The following INSYN2B variants were observed in gnomAD, a reference collection of about 807,000 sequenced individuals.
The protein encoded by INSYN2B is protein INSYN2B.
Under a neutral mutation model 41.2 loss-of-function variants are expected in INSYN2B, and 16 were observed. That is an observed-to-expected ratio of 0.39 (90% confidence interval 0.26 to 0.59). INSYN2B has a LOEUF of 0.59. Among genes scored for constraint, INSYN2B ranks in the 20% least tolerant of loss-of-function variants. The probability of loss-of-function intolerance (pLI) is 0.57; values close to 1 mark genes in which losing one functional copy is unlikely to be tolerated. For synonymous variants in INSYN2B, 245 were observed against 244.4 expected (o/e 1.00, Z -0.02); for missense variants, 608 against 646.4 (o/e 0.94, Z 0.64).
At chr5:169,979,713 T>C (rs1044592105) in intron 1 of INSYN2B, among the ~76,000 whole-genome samples, 3 of 152,218 alleles carry the variant, frequency 2.0e-5, no homozygotes, top group Admixed American at 6.5e-5. Context: ...TTCAGTCACA[T>C]TGCACTACAA....
intron 1 of INSYN2B, chr5:169,934,760 A>G: frequency 2.2e-6 from 1 of 454,680 alleles, no homozygotes; most frequent in Non-Finnish European, 4.4e-6. Context: ...TGCTCAGTAA[A>G]TGCTAGTTAT....
chr5:169,881,523 G>T (rs1032858990), intron 2 of INSYN2B, 81 bp from the exon 3 acceptor site: 3 of 1,075,518 alleles, frequency 2.8e-6, no homozygotes. Context: ...TTGTCCCTTA[G>T]TCCCTATAGC....
intron 3 of INSYN2B, among the ~76,000 whole-genome samples, chr5:169,868,418 A>T (rs2113444854): frequency 6.6e-6 from 1 of 152,286 alleles, no homozygotes; most frequent in Non-Finnish European, 1.5e-5. Context: ...AACAATGACA[A>T]CAAACCAGCT....
rs917958915 is a variant in INSYN2B, at chr5:169,882,658, C to T, written c.1241G>A (p.Gly414Asp). 6.4e-7 allele frequency: 1 copy of T among 1,552,036 alleles called. No homozygotes were observed. The highest frequency in any genetic ancestry group is 1.7e-4 in the Middle Eastern group (1 of 5,994). ...AGATTCCTCCACAGATTGCAGTCGG[C>T]CTTGGAGGTCGCAGAGTTCACCCCG... ...LARGELCDLQ[G>D]RLQSVEESLH... The change falls in exon 2 of 4, where the codon GGC (glycine) becomes GAC (aspartate). Residue 414 changes from glycine to aspartate, a missense_variant. By Grantham distance (94) the Gly-to-Asp change is moderately conservative (BLOSUM62 -1). Coordinates refer to ENST00000377365, the MANE Select transcript of INSYN2B (RefSeq NM_001129891.3).
chr5:169,945,819 C>T (rs750314606), intron 1 of INSYN2B, among the ~76,000 whole-genome samples: 11 of 152,200 alleles, frequency 7.2e-5, no homozygotes, highest in African/African-American at 1.2e-4. Context: ...TGGATTCGCC[C>T]ACGGCCTCCG....
intron 3 of INSYN2B, among the ~76,000 whole-genome samples, chr5:169,869,871 T>A (rs1006750887): frequency 2.0e-5 from 3 of 152,186 alleles, no homozygotes; most frequent in African/African-American, 7.2e-5. Context: ...ATCCTTACCA[T>A]CTTCCACCAT....
intron 1 of INSYN2B, among the ~76,000 whole-genome samples, chr5:169,908,706 CT>C (rs1561814876): frequency 2.4e-5 from 3 of 126,864 alleles, no homozygotes; most frequent in African/African-American, 6.0e-5. Flanking sequence ...TTTCTCTTTT[CT>C]TTTTTCTTTT....
At chr5:169,868,392 A>T (rs1284558547) in intron 3 of INSYN2B, among the ~76,000 whole-genome samples, 1 of 152,262 alleles carries the variant, frequency 6.6e-6, no homozygotes, top group African/African-American at 2.4e-5. Context: ...CTCTGACTTC[A>T]TAATTCAAAT....
At chr5:169,889,168 A>G (rs1037867293) in intron 1 of INSYN2B, among the ~76,000 whole-genome samples, 1 of 152,368 alleles carries the variant, frequency 6.6e-6, no homozygotes, top group South Asian at 2.1e-4. Context: ...TTAGCTTCTA[A>G]GACATGGAAT....
chr5:169,944,859 C>G (rs540970604), intron 1 of INSYN2B, among the ~76,000 whole-genome samples: 2 of 152,308 alleles, frequency 1.3e-5, no homozygotes, highest in Admixed American at 6.5e-5. Context: ...CTTGTGGGCT[C>G]CAGTTGCTCA....
In INSYN2B at chr5:169,882,901, C is replaced by G. The variant is rs1365961316; in HGVS notation, c.998G>C (p.Ser333Thr). Reference protein sequence around the residue: ...PGRASDCPSSSNNHQNLVSLK... With the variant: ...PGRASDCPSSTNNHQNLVSLK... ...TGACACCAGATTCTGGTGATTGTTA[C>G]TTGATGAAGGACAGTCTGAGGCTCT... The change falls in exon 2 of 4, where the codon AGT becomes ACT. Residue 333 changes from serine (S) to threonine (T), a missense_variant. Coordinates refer to ENST00000377365, the MANE Select transcript of INSYN2B (RefSeq NM_001129891.3). 1.3e-6 allele frequency: 2 copies of G among 1,551,830 alleles called. No individual in the cohort carries two copies. Among genetic ancestry groups the G allele is most frequent in the East Asian group, 4.9e-5 (2 of 40,914 alleles).
At chr5:169,922,560 C>A (rs757176591) in intron 1 of INSYN2B, among the ~76,000 whole-genome samples, 6 of 152,140 alleles carry the variant, frequency 3.9e-5, no homozygotes, top group Admixed American at 1.3e-4. Context: ...GAAAAATAAC[C>A]GTTAATGGTT....
rs150958409 is a variant in INSYN2B, at chr5:169,862,923, G to A, written c.*1350C>T. Reference sequence around the variant, plus strand: ...AAGGGAATTACAAAATACCTTCTTCGTTTAATGTATGTTTAGTTTCAGGCT... The same window carrying A: ...AAGGGAATTACAAAATACCTTCTTCATTTAATGTATGTTTAGTTTCAGGCT... On this transcript the variant is annotated 3_prime_UTR_variant, in exon 4 of 4. Coordinates refer to ENST00000377365, the MANE Select transcript of INSYN2B (RefSeq NM_001129891.3). Among the ~76,000 whole-genome samples the A allele has an allele frequency of 2.6e-5, 4 of 152,262 alleles. No individual in the cohort carries two copies. The highest frequency in any genetic ancestry group is 2.9e-5 in the Non-Finnish European group (2 of 68,022).
chr5:169,867,962 A>G (rs979060580), intron 3 of INSYN2B, among the ~76,000 whole-genome samples: 5 of 152,230 alleles, frequency 3.3e-5, no homozygotes, highest in Non-Finnish European at 7.3e-5. Context: ...CATAGTTCAC[A>G]GATAGGGAAC....
At chr5:169,903,522 C>T (rs1272304734) in intron 1 of INSYN2B, among the ~76,000 whole-genome samples, 5 of 39,000 alleles carry the variant, frequency 1.3e-4, no homozygotes, top group Non-Finnish European at 2.0e-4. Context: ...TAGGAGCCAG[C>T]GGGGGCCGGG....
chr5:169,948,152 A>T (rs771643449), intron 1 of INSYN2B, among the ~76,000 whole-genome samples: 24 of 152,044 alleles, frequency 1.6e-4, no homozygotes, highest in Non-Finnish European at 3.5e-4. Context: ...AATTTCATCC[A>T]ACCTCTTCTC....
intron 1 of INSYN2B, among the ~76,000 whole-genome samples, chr5:169,892,895 C>A (rs1395137381): frequency 1.4e-4 from 22 of 152,034 alleles, no homozygotes; most frequent in Non-Finnish European, 5.9e-5. Context: ...TTCACTCCTT[C>A]TTTTCCCCTT....
intron 1 of INSYN2B, among the ~76,000 whole-genome samples, chr5:169,915,615 G>GGA (rs1190622602): frequency 6.6e-6 from 1 of 150,720 alleles, no homozygotes; most frequent in African/African-American, 2.4e-5. Context: ...GGGAGGGAGG[G>GGA]GAGAGAGAGA....
chr5:169,922,303 T>G (rs1273819459), intron 1 of INSYN2B, among the ~76,000 whole-genome samples: 1 of 152,224 alleles, frequency 6.6e-6, no homozygotes, highest in African/African-American at 2.4e-5. Context: ...AGATGAGCCC[T>G]AATTTATGCA....
Sources: allele counts gnomAD v4.1 joint callset (sites outside exome capture counted in the v4.1 genomes callset), GRCh38; gene constraint gnomAD v4.1.1; transcripts MANE v1.5; gene names NCBI Gene and HGNC (gene_info 2026-07-23, HGNC 2026-07-21).